AGTR1: variants seen among roughly 807,000 people sequenced by gnomAD.
AGTR1 encodes type-1 angiotensin II receptor.
In AGTR1, 16 loss-of-function variants were observed where a neutral mutation model predicts 19.4. That is an observed-to-expected ratio of 0.82 (90% CI 0.56 to 1.25). The LOEUF (loss-of-function observed/expected upper bound fraction) is 1.25, where lower values mean the gene tolerates loss of function less well. AGTR1 is among the 50% of genes most tolerant of loss of function. AGTR1 has a pLI of 0.00. For missense variants in AGTR1, 373 were observed against 431.9 expected, an observed-to-expected ratio of 0.86 and a Z score of 1.21; for synonymous variants, 153 against 154.9, an observed-to-expected ratio of 0.99 and a Z score of 0.09.
intron 1 of AGTR1, among the ~76,000 whole-genome samples, chr3:148,701,514 A>C (rs1420462308): frequency 6.6e-6 from 1 of 152,210 alleles, no homozygotes; most frequent in Non-Finnish European, 1.5e-5. Flanking sequence ...TTAATTTAGA[A>C]GGGTTTGAAT....
Position 148,742,329 on chromosome 3 carries a change from C to CA in AGTR1, c.*215dup. The stretch of plus-strand genomic sequence containing the variant: ...AAGCAAAGCCACATTTTGCATTAGA[C>CA]AGATGACGGCTGCTCGAAGAACAAT... On this transcript the variant is annotated 3_prime_UTR_variant, in exon 3 of 3. Transcript: ENST00000349243. The CA allele has an allele frequency of 1.4e-6, 1 of 703,054 alleles. No homozygotes were observed. The highest frequency in any genetic ancestry group is 1.6e-5 in the South Asian group (1 of 63,692). 43.6% of individuals were successfully genotyped at this position (703,054 alleles called of 1,614,324 possible). A position where few individuals can be genotyped will look rare whatever the true frequency, so the allele number is the denominator to read the frequency against.
At chr3:148,703,352 G>A (rs1184009107) in intron 1 of AGTR1, among the ~76,000 whole-genome samples, 4 of 152,178 alleles carry the variant, frequency 2.6e-5, no homozygotes, top group African/African-American at 9.7e-5. Context: ...ATAAGAATCT[G>A]CATTTTAGCA....
At chr3:148,733,278 A>T (rs1347345140) in intron 2 of AGTR1, among the ~76,000 whole-genome samples, 5 of 152,230 alleles carry the variant, frequency 3.3e-5, no homozygotes, top group African/African-American at 4.8e-5. Context: ...GCTTCATTTA[A>T]AATTTATGGT....
At chr3:148,729,217 CA>C (rs1714117013) in intron 2 of AGTR1, among the ~76,000 whole-genome samples, 1 of 151,980 alleles carries the variant, frequency 6.6e-6, no homozygotes, top group Non-Finnish European at 1.5e-5. Context: ...CTTGCGATGG[CA>C]AAGTTAAAAA....
Position 148,741,605 on chromosome 3 carries a change from C to T in AGTR1, c.570C>T (p.Thr190=), listed in dbSNP as rs983478539. 6.2e-7 allele frequency: 1 copy of T among 1,614,058 alleles called. No individual in the cohort carries two copies. The highest frequency in any genetic ancestry group is 8.5e-7 in the Non-Finnish European group (1 of 1,179,980). ...CAFHYESQNS[T]LPIGLGLTKN... is the part of the protein sequence containing the mutation. The stretch of plus-strand genomic sequence containing the variant: ...TCCATTATGAGTCCCAAAATTCAAC[C>T]CTCCCGATAGGGCTGGGCCTGACCA... The change falls in exon 3 of 3, where the codon ACC becomes ACT. Residue 190 remains threonine, a synonymous_variant. Coordinates refer to ENST00000349243, the MANE Select transcript of AGTR1 (RefSeq NM_000685.5).
intron 2 of AGTR1, among the ~76,000 whole-genome samples, chr3:148,738,873 A>G (rs1714714052): frequency 6.6e-6 from 1 of 152,208 alleles, no homozygotes. Flanking sequence ...TGTAAGTTCT[A>G]TGCTGCTCAC....
intron 2 of AGTR1, among the ~76,000 whole-genome samples, chr3:148,724,264 C>T (rs1713807449): frequency 6.6e-6 from 1 of 152,106 alleles, no homozygotes; most frequent in South Asian, 2.1e-4. Context: ...CCTATTTCTC[C>T]CAGCCTATAT....
intron 2 of AGTR1, among the ~76,000 whole-genome samples, chr3:148,721,145 T>C (rs901645149): frequency 3.9e-5 from 6 of 152,170 alleles, no homozygotes; most frequent in Non-Finnish European, 8.8e-5. Flanking sequence ...AAGGTAGTTA[T>C]CCCTGTGTGG....
intron 1 of AGTR1, among the ~76,000 whole-genome samples, chr3:148,706,932 C>G (rs1447333191): frequency 6.6e-6 from 1 of 151,700 alleles, no homozygotes; most frequent in Non-Finnish European, 1.5e-5. Flanking sequence ...CAATTTGGTT[C>G]AACAGTCTGT....
At chr3:148,713,717 G>T (rs1056775782) in intron 2 of AGTR1, among the ~76,000 whole-genome samples, 4 of 152,126 alleles carry the variant, frequency 2.6e-5, no homozygotes, top group Admixed American at 1.3e-4. Context: ...ATGTCCTTGT[G>T]GTCCTATTGG....
chr3:148,709,692 A>G (rs1229323151), intron 2 of AGTR1, among the ~76,000 whole-genome samples: 3 of 152,164 alleles, frequency 2.0e-5, no homozygotes, highest in Non-Finnish European at 4.4e-5. Flanking sequence ...ACTGAAATAC[A>G]AAAAGTGTTC....
chr3:148,731,332 A>C (rs571574733), intron 2 of AGTR1: 1 of 152,306 alleles, frequency 6.6e-6, no homozygotes, highest in South Asian at 2.1e-4. Flanking sequence ...TTTGTACCCA[A>C]ACATTTGCTG....
At chr3:148,732,757 T>TTTTC (rs1559930841) in intron 2 of AGTR1, among the ~76,000 whole-genome samples, 1 of 138,600 alleles carries the variant, frequency 7.2e-6, no homozygotes, top group Non-Finnish European at 1.6e-5. Context: ...TTTTTTTTTT[T>TTTTC]TGAGACGGAG....
At chr3:148,709,493 CTG>C (rs1185774998) in intron 2 of AGTR1, among the ~76,000 whole-genome samples, 1 of 152,122 alleles carries the variant, frequency 6.6e-6, no homozygotes, top group African/African-American at 2.4e-5. Flanking sequence ...AGAAAACATT[CTG>C]TGAAATTTTA....
At chr3:148,732,730 ATTTTTTTTTTTT>A (rs778034622) in intron 2 of AGTR1, among the ~76,000 whole-genome samples, 1 of 109,950 alleles carries the variant, frequency 9.1e-6, no homozygotes, top group South Asian at 2.9e-4. Context: ...GCTTCGGAAA[ATTTTTTTTTTTT>A]TTTTTTTTTT....
intron 2 of AGTR1, among the ~76,000 whole-genome samples, chr3:148,737,315 T>G (rs777403107): frequency 9.9e-5 from 15 of 152,108 alleles, no homozygotes; most frequent in Non-Finnish European, 1.8e-4. Context: ...GTTCAAGTGA[T>G]GACACCATCT....
intron 2 of AGTR1, among the ~76,000 whole-genome samples, chr3:148,726,214 A>ATT (rs11390367): frequency 8.8e-5 from 13 of 147,184 alleles, no homozygotes; most frequent in African/African-American, 3.2e-4. Flanking sequence ...CAGTCTACTG[A>ATT]TTTTTTTTTT....
intron 2 of AGTR1, among the ~76,000 whole-genome samples, chr3:148,734,972 G>A (rs1037569642): frequency 6.6e-6 from 1 of 152,148 alleles, no homozygotes; most frequent in African/African-American, 2.4e-5. Flanking sequence ...CATGGAAACT[G>A]CCCTTCCTGC....
At chr3:148,726,922 G>GTA (rs1412738277) in intron 2 of AGTR1, among the ~76,000 whole-genome samples, 2 of 152,218 alleles carry the variant, frequency 1.3e-5, no homozygotes, top group African/African-American at 2.4e-5. Context: ...AAAGGGGAGA[G>GTA]TATAATTTCC....
Sources: gnomAD v4.1 joint callset for allele counts (sites outside exome capture counted in the v4.1 genomes callset) on GRCh38, gnomAD v4.1.1 for gene constraint, MANE v1.5 for transcripts, NCBI Gene and HGNC (gene_info 2026-07-23, HGNC 2026-07-21) for gene names.